Variants in SCAPER observed in about 807,000 individuals in gnomAD.
The protein encoded by SCAPER is S-phase cyclin A associated protein in the ER.
A neutral mutation model predicts 182.2 loss-of-function variants in SCAPER; 98 were observed. The ratio of observed to expected loss-of-function variants is 0.54; its 90% CI spans 0.46 to 0.64. The LOEUF is 0.64. SCAPER is among the 30% of genes least tolerant of loss of function. SCAPER has a pLI of 0.00. For synonymous variants in SCAPER, 605 were observed against 564.6 expected, an observed-to-expected ratio of 1.07 and a Z score of -1.01; for missense variants, 1,432 against 1,690.0, an observed-to-expected ratio of 0.85 and a Z score of 2.68.
At chr15:76,663,765 A>G (rs1002143703) in intron 21 of SCAPER, among the ~76,000 whole-genome samples, 1 of 152,172 alleles carries the variant, frequency 6.6e-6, no homozygotes, top group South Asian at 2.1e-4. Context: ...AATGTTCTAT[A>G]TCTTGATAGG....
chr15:76,445,318 T>C (rs1010832674), intron 25 of SCAPER, among the ~76,000 whole-genome samples: 6 of 152,254 alleles, frequency 3.9e-5, no homozygotes, highest in Admixed American at 2.0e-4. Context: ...TTAAAATCCA[T>C]GTAAGAATTG....
chr15:76,713,530 CA>C (rs2059711240), intron 17 of SCAPER, among the ~76,000 whole-genome samples: 1 of 149,826 alleles, frequency 6.7e-6, no homozygotes, highest in Non-Finnish European at 1.5e-5. Context: ...ATCGCAAGGA[CA>C]AAAAACCAAA....
intron 5 of SCAPER, among the ~76,000 whole-genome samples, chr15:76,830,395 G>A (rs1003941924): frequency 6.6e-6 from 1 of 152,154 alleles, no homozygotes; most frequent in Non-Finnish European, 1.5e-5. Flanking sequence ...TGCCTGCAGT[G>A]TGGAGAATCA....
In SCAPER at chr15:76,862,516, G is replaced by A. The variant is rs115710749; in HGVS notation, c.24C>T (p.Ser8=). The change falls in exon 3 of 32, where the codon TCC becomes TCT. Residue 8 remains serine (S), a synonymous_variant. Coordinates refer to ENST00000563290, the MANE Select transcript of SCAPER (RefSeq NM_020843.4). MMASFQR[S]NSHDKVRRIV... Reference sequence around the variant, plus strand: ...TTCTCCTTACTTTGTCATGACTATTGGAGCGCTGGAATGAAGCCTATGTAT... The same window carrying A: ...TTCTCCTTACTTTGTCATGACTATTAGAGCGCTGGAATGAAGCCTATGTAT... The A allele has an allele frequency of 1.3e-4, 205 of 1,611,292 alleles. 1 individual carries two copies. The African/African-American group carries it at 2.2e-3, about 17-fold the overall frequency.
intron 22 of SCAPER, among the ~76,000 whole-genome samples, chr15:76,584,369 A>T (rs2469242): frequency 6.6e-6 from 1 of 151,876 alleles, no homozygotes; most frequent in Non-Finnish European, 1.5e-5. Flanking sequence ...GAATGACTAC[A>T]GTCAACAATT....
intron 24 of SCAPER, among the ~76,000 whole-genome samples, chr15:76,492,868 G>GTTTTTTTTTTTTTTTTTT (rs1185376117): frequency 8.2e-6 from 1 of 121,682 alleles, no homozygotes; most frequent in African/African-American, 3.0e-5. Context: ...ATCTGAGAGT[G>GTTTTTTTTTTTTTTTTTT]TTTTTTTTTT....
intron 25 of SCAPER, among the ~76,000 whole-genome samples, chr15:76,452,269 G>C (rs1021645658): frequency 2.6e-5 from 4 of 152,188 alleles, no homozygotes; most frequent in Non-Finnish European, 5.9e-5. Context: ...TTGCATTGCT[G>C]ATCCTGGCCT....
chr15:76,653,028 C>T (rs3910756), intron 21 of SCAPER, among the ~76,000 whole-genome samples: 40,488 of 152,012 alleles, frequency 0.27, 5,621 homozygotes, highest in East Asian at 0.48. Flanking sequence ...AGTAAAGTTT[C>T]GGAATACAAA....
At chr15:76,391,605 CCTT>C (rs1037733057) in intron 27 of SCAPER, among the ~76,000 whole-genome samples, 2 of 152,170 alleles carry the variant, frequency 1.3e-5, no homozygotes, top group Non-Finnish European at 2.9e-5. Flanking sequence ...TGTGGGCAGT[CCTT>C]CTTCTTATGT....
chr15:76,440,918 G>GTTT (rs1187911987), intron 25 of SCAPER, among the ~76,000 whole-genome samples: 2 of 62,654 alleles, frequency 3.2e-5, no homozygotes, highest in African/African-American at 1.3e-4. Flanking sequence ...TTTTTTTTTT[G>GTTT]TTTTTTTTTT....
At chr15:76,903,138 C>T (rs1037476485) in intron 1 of SCAPER, among the ~76,000 whole-genome samples, 9 of 151,936 alleles carry the variant, frequency 5.9e-5, no homozygotes, top group African/African-American at 1.9e-4. Context: ...AACATTCCTG[C>T]AGCTAAATGA....
chr15:76,665,830 C>T lies in SCAPER; in HGVS notation c.2509-41G>A, dbSNP rs756398870. ...ATAAAATAATAATAATGAGGATGATCATTTAAATATAATATAGGATTGCTA... is the reference window on the plus strand; with the variant it reads ...ATAAAATAATAATAATGAGGATGATTATTTAAATATAATATAGGATTGCTA... On this transcript the variant is annotated intron_variant, in intron 20 of 31. Coordinates refer to ENST00000563290, the MANE Select transcript of SCAPER (RefSeq NM_020843.4). 13 of 1,428,052 alleles carry T rather than the reference C, an allele frequency of 9.1e-6. No homozygotes were observed. In the African/African-American group the frequency reaches 1.9e-4, roughly 21 times the overall value. The allele number at this position is 1,428,052 out of a possible 1,614,324, so 88.5% of individuals were successfully genotyped here.
At chr15:76,396,601 T>C (rs112357370) in intron 27 of SCAPER, among the ~76,000 whole-genome samples, 1 of 152,328 alleles carries the variant, frequency 6.6e-6, no homozygotes, top group African/African-American at 2.4e-5. Flanking sequence ...GATTACTTTT[T>C]TTGATTTCAA....
At chr15:76,904,019 G>T (rs2074938102) in intron 1 of SCAPER, among the ~76,000 whole-genome samples, 1 of 152,126 alleles carries the variant, frequency 6.6e-6, no homozygotes, top group Admixed American at 6.5e-5. Context: ...CTCTTTGATT[G>T]ATTAAAAATA....
At chr15:76,440,629 GA>G in intron 25 of SCAPER, among the ~76,000 whole-genome samples, 1 of 151,692 alleles carries the variant, frequency 6.6e-6, no homozygotes, top group South Asian at 2.1e-4. Context: ...TCAGAGTACA[GA>G]AAAAAAAGGC....
chr15:76,784,308 C>A (rs575076929), intron 8 of SCAPER, among the ~76,000 whole-genome samples: 1 of 152,062 alleles, frequency 6.6e-6, no homozygotes, highest in Non-Finnish European at 1.5e-5. Context: ...GAATAAAATA[C>A]CTAGGAAACC....
chr15:76,437,779 TA>T (rs1260922996), intron 25 of SCAPER, among the ~76,000 whole-genome samples: 1 of 152,150 alleles, frequency 6.6e-6, no homozygotes, highest in African/African-American at 2.4e-5. Flanking sequence ...CAACAGGAAA[TA>T]AAAAAGACTT....
At chr15:76,675,920 G>A (rs1468294504) in intron 20 of SCAPER, among the ~76,000 whole-genome samples, 3 of 152,006 alleles carry the variant, frequency 2.0e-5, no homozygotes, top group African/African-American at 7.3e-5. Flanking sequence ...CACCTCCTGG[G>A]TTCAAGTGAT....
chr15:76,367,794 C>G (rs147206234), intron 29 of SCAPER, among the ~76,000 whole-genome samples: 235 of 152,252 alleles, frequency 1.5e-3, no homozygotes, highest in African/African-American at 5.5e-3. Flanking sequence ...ATGCAATTGG[C>G]CAAAATTGCT....
Sources: gnomAD v4.1 joint callset for allele counts (sites outside exome capture counted in the v4.1 genomes callset) on GRCh38, gnomAD v4.1.1 for gene constraint, MANE v1.5 for transcripts, NCBI Gene and HGNC (gene_info 2026-07-23, HGNC 2026-07-21) for gene names.